The following CEMIP variants were observed in gnomAD, a reference collection of about 807,000 sequenced individuals.
CEMIP encodes the protein cell migration-inducing and hyaluronan-binding protein.
Under a neutral mutation model 156.9 loss-of-function variants are expected in CEMIP, and 105 were observed. The ratio of observed to expected loss-of-function variants is 0.67; its 90% CI spans 0.57 to 0.79. CEMIP has a LOEUF of 0.79. Among genes scored for constraint, CEMIP ranks in the 30% least tolerant of loss-of-function variants. CEMIP has a pLI of 0.00. For missense variants in CEMIP, 1,457 were observed against 1,769.4 expected, an observed-to-expected ratio of 0.82 and a Z score of 3.17; for synonymous variants, 676 against 668.4, an observed-to-expected ratio of 1.01 and a Z score of -0.17.
intron 21 of CEMIP, among the ~76,000 whole-genome samples, chr15:80,931,356 C>T (rs1391981332): frequency 6.6e-6 from 1 of 152,224 alleles, no homozygotes; most frequent in Non-Finnish European, 1.5e-5. Flanking sequence ...AGGAGAAACT[C>T]ATGTGGGTCT....
At chr15:80,916,131 T>C (rs1196669415) in intron 14 of CEMIP, among the ~76,000 whole-genome samples, 1 of 152,234 alleles carries the variant, frequency 6.6e-6, no homozygotes, top group Non-Finnish European at 1.5e-5. Context: ...TACATACAGA[T>C]ATGTCCTGAT....
intron 19 of CEMIP, among the ~76,000 whole-genome samples, chr15:80,926,578 G>C (rs1900678269): frequency 6.6e-6 from 1 of 151,060 alleles, no homozygotes; most frequent in Non-Finnish European, 1.5e-5. Context: ...AGAGAGAGAG[G>C]GAAGGGAGAG....
intron 6 of CEMIP, among the ~76,000 whole-genome samples, chr15:80,882,665 C>T (rs747450667): frequency 1.3e-5 from 2 of 152,002 alleles, no homozygotes; most frequent in Admixed American, 6.6e-5. Flanking sequence ...CTGCTTGTTC[C>T]GAATATCTTT....
chr15:80,898,504 A>G (rs1899324254), intron 12 of CEMIP, among the ~76,000 whole-genome samples: 1 of 152,214 alleles, frequency 6.6e-6, no homozygotes, highest in African/African-American at 2.4e-5. Flanking sequence ...ATTTATACCA[A>G]TTCTGCTCCT....
rs538308516 is a variant in CEMIP, at chr15:80,908,824, C to T, written c.1588-273C>T. On this transcript the variant is annotated intron_variant, in intron 13 of 29. Coordinates refer to ENST00000394685, the MANE Select transcript of CEMIP (RefSeq NM_001293298.2). Reference sequence around the variant, plus strand: ...GACAGGAAAGGAGGTTCAAAGTGAGCCCCAGCTATAGCATAGCTCTTCAGA... The same window carrying T: ...GACAGGAAAGGAGGTTCAAAGTGAGTCCCAGCTATAGCATAGCTCTTCAGA... Among the ~76,000 whole-genome samples the T allele has an allele frequency of 3.8e-4, 58 of 152,310 alleles. 1 individual carries two copies. In the South Asian group the frequency reaches 0.012, roughly 31 times the overall value.
Position 80,879,626 on chromosome 15 carries a change from G to A in CEMIP, c.242-90G>A, listed in dbSNP as rs539331187. On this transcript the variant is annotated intron_variant, in intron 4 of 29. Transcript: ENST00000394685. ...CCTTTTTGCCTGCCCCGGTGAGATG[G>A]GGAGTGCTTAGGGAGTCTGCCCTTG... The A allele has an allele frequency of 2.0e-4, 301 of 1,481,914 alleles. 3 individuals carry two copies. In the African/African-American group the frequency reaches 3.8e-3, roughly 19 times the overall value. The allele number at this position is 1,481,914 out of a possible 1,614,324, so 91.8% of individuals were successfully genotyped here. A position where few individuals can be genotyped will look rare whatever the true frequency, so the allele number is the denominator to read the frequency against.
intron 12 of CEMIP, among the ~76,000 whole-genome samples, chr15:80,899,722 A>T (rs1449793301): frequency 6.6e-6 from 1 of 152,212 alleles, no homozygotes; most frequent in African/African-American, 2.4e-5. Context: ...GAAGGGCAGA[A>T]GCCTACTGGA....
intron 3 of CEMIP, among the ~76,000 whole-genome samples, chr15:80,878,330 C>T (rs1898537619): frequency 6.6e-6 from 1 of 152,094 alleles, no homozygotes; most frequent in Non-Finnish European, 1.5e-5. Flanking sequence ...AGGGAAAGAG[C>T]TTCATTAGCT....
intron 12 of CEMIP, chr15:80,897,207 G>A (rs982626904): frequency 2.2e-5 from 10 of 453,936 alleles, no homozygotes; most frequent in African/African-American, 2.0e-4. Flanking sequence ...AGAATATGGG[G>A]TTGGGAGAAA....
In CEMIP at chr15:80,879,873, C is replaced by T. The variant is rs750147490; in HGVS notation, c.380+19C>T. 8.1e-6 allele frequency: 13 copies of T among 1,613,700 alleles called. No individual in the cohort carries two copies. The Admixed American group carries it at 8.3e-5, about 10-fold the overall frequency. ...ATGGAAGGTGCGTAGACCACTCCTA[C>T]AGATCAAATGCTACCCATGGATCTG... On this transcript the variant is annotated intron_variant, in intron 5 of 29. Transcript: ENST00000394685.
At chr15:80,789,060 G>A (rs1161326134) in intron 1 of CEMIP, among the ~76,000 whole-genome samples, 2 of 152,118 alleles carry the variant, frequency 1.3e-5, no homozygotes, top group African/African-American at 4.8e-5. Flanking sequence ...TTGCACCCAA[G>A]GCGAGTGCCT....
Position 80,906,606 on chromosome 15 carries a change from G to A in CEMIP, c.1412-57G>A. 6.4e-7 allele frequency: 1 copy of A among 1,550,528 alleles called. No individual in the cohort carries two copies. ...CATGGAGGCACCTGGCAGGGGCCCA[G>A]AACTCAGTGGGCATGCAGTACCTGC... On this transcript the variant is annotated intron_variant, in intron 12 of 29. Coordinates refer to ENST00000394685, the MANE Select transcript of CEMIP (RefSeq NM_001293298.2). This position sits in a 1 kb window ranked among gnomAD's most constrained non-coding sequence, Gnocchi z 4.3.
rs963110722 is a variant in CEMIP at position 80,805,124 on chromosome 15, A to G, written c.-176+25510A>G. On this transcript the variant is annotated intron_variant, in intron 1 of 29. Coordinates refer to ENST00000394685, the MANE Select transcript of CEMIP (RefSeq NM_001293298.2). ...AACCACATGAAAGCAGGAGAGGCGG[A>G]TTTATGCCTTAACAGCCCCCAAAAC... Among the ~76,000 whole-genome samples the G allele has an allele frequency of 2.0e-5, 3 of 152,034 alleles. No homozygotes were observed. In the South Asian group the frequency reaches 6.2e-4, roughly 32 times the overall value.
intron 1 of CEMIP, among the ~76,000 whole-genome samples, chr15:80,815,485 C>T (rs1896769804): frequency 6.6e-6 from 1 of 152,180 alleles, no homozygotes; most frequent in East Asian, 1.9e-4. Flanking sequence ...CAGTACAATG[C>T]CTGGTATATA....
intron 25 of CEMIP, chr15:80,938,197 T>C (rs914311911): frequency 7.4e-6 from 4 of 539,126 alleles, no homozygotes; most frequent in East Asian, 3.2e-5. Context: ...TAAATATACA[T>C]GTGAATTGTA....
intron 1 of CEMIP, among the ~76,000 whole-genome samples, chr15:80,839,738 G>A (rs571761196): frequency 9.8e-5 from 15 of 152,322 alleles, no homozygotes; most frequent in African/African-American, 3.4e-4. Flanking sequence ...GGCTGCATGG[G>A]GCACAGGCAC....
intron 1 of CEMIP, among the ~76,000 whole-genome samples, chr15:80,807,165 T>C (rs1349840517): frequency 6.6e-6 from 1 of 151,940 alleles, no homozygotes; most frequent in Non-Finnish European, 1.5e-5. Context: ...AGAAATAAAT[T>C]GTAGACAGTA....
chr15:80,901,497 T>C (rs1455536237), intron 12 of CEMIP, among the ~76,000 whole-genome samples: 1 of 151,818 alleles, frequency 6.6e-6, no homozygotes, highest in African/African-American at 2.4e-5. Context: ...AGGTCAGGAG[T>C]TCGAGACCAG....
chr15:80,886,411 G>A (rs1205407378), intron 7 of CEMIP, among the ~76,000 whole-genome samples: 2 of 152,198 alleles, frequency 1.3e-5, no homozygotes, highest in South Asian at 2.1e-4. Context: ...AAGCAGGAAA[G>A]TGGACAGTTA....
Sources: gnomAD v4.1 joint callset for allele counts (sites outside exome capture counted in the v4.1 genomes callset) on GRCh38, gnomAD v4.1.1 for gene constraint, Gnocchi (gnomAD v3.1) non-coding constraint, MANE v1.5 for transcripts, NCBI Gene and HGNC (gene_info 2026-07-23, HGNC 2026-07-21) for gene names.